EBAG9: variants seen among roughly 807,000 people sequenced by gnomAD.
EBAG9 encodes the protein estrogen receptor binding site associated antigen 9, also known as receptor-binding cancer antigen expressed on SiSo cells.
Under a neutral mutation model 30.9 loss-of-function variants are expected in EBAG9, and 16 were observed. That is an observed-to-expected ratio of 0.52 (90% CI 0.35 to 0.79). The LOEUF (loss-of-function observed/expected upper bound fraction) is 0.79, where lower values mean the gene tolerates loss of function less well. Among genes scored for constraint, EBAG9 ranks in the 30% least tolerant of loss-of-function variants. EBAG9 has a pLI of 0.01. For synonymous variants in EBAG9, 93 were observed against 82.8 expected (o/e 1.12, Z -0.67); for missense variants, 197 against 242.1 (o/e 0.81, Z 1.24).
intron 5 of EBAG9, 39 bp from the exon 6 acceptor site, chr8:109,560,799 G>T (rs780781637): frequency 6.9e-7 from 1 of 1,442,424 alleles, no homozygotes; most frequent in Admixed American, 1.7e-5. Flanking sequence ...AGAAAGGATG[G>T]CTTTTACTCT....
intron 1 of EBAG9, among the ~76,000 whole-genome samples, chr8:109,547,471 C>G (rs1821407355): frequency 6.6e-6 from 1 of 150,948 alleles, no homozygotes; most frequent in African/African-American, 2.4e-5. Context: ...ACTTATTTAC[C>G]ATTGTATATG....
chr8:109,547,764 G>A (rs558119940), intron 1 of EBAG9, among the ~76,000 whole-genome samples: 40 of 152,290 alleles, frequency 2.6e-4, no homozygotes, highest in Admixed American at 7.8e-4. Context: ...ACAGGTGTGA[G>A]CCACCACGCC....
intron 4 of EBAG9, among the ~76,000 whole-genome samples, 197 bp from the exon 5 acceptor site, chr8:109,556,738 A>G (rs1327463688): frequency 2.0e-5 from 3 of 152,116 alleles, no homozygotes; most frequent in African/African-American, 7.2e-5. Context: ...TAAAAGTGAA[A>G]TACAATTTTT....
Position 109,560,944 on chromosome 8 carries a change from T to C in EBAG9, c.521+15T>C. ...GAAGTTCTGAGGTATTTGAGTGGCA[T>C]TTATATTGCAACCTGAGTAGAAGAA... On this transcript the variant is annotated intron_variant, in intron 6 of 6. Transcript: ENST00000337573. 6.2e-7 allele frequency: 1 copy of C among 1,604,272 alleles called. No homozygotes were observed. The highest frequency in any genetic ancestry group is 8.5e-7 in the Non-Finnish European group (1 of 1,172,260).
chr8:109,554,065 G>T, intron 3 of EBAG9, 122 bp downstream of exon 3: 1 of 654,784 alleles, frequency 1.5e-6, no homozygotes, highest in Non-Finnish European at 2.4e-6. Flanking sequence ...TTGTTGTGTT[G>T]TTAAATTTAT....
intron 2 of EBAG9, 55 bp downstream of exon 2, chr8:109,550,962 A>G (rs931344372): frequency 2.7e-5 from 33 of 1,207,700 alleles, no homozygotes; most frequent in Non-Finnish European, 3.8e-5. Context: ...GGTTTTGGAT[A>G]CCTTCAAAAC....
rs1240599870 is a variant in EBAG9, at chr8:109,540,288, T to TA, written c.-188dup. ...TTCCTCAGGGAAATTTGCGTGACCT[T>TA]ACTGCCCTCCGTCTACAGGCCTTGT... On this transcript the variant is annotated 5_prime_UTR_variant, in exon 1 of 7. The change creates a premature stop within an existing upstream ORF in the 5' untranslated region. Coordinates refer to ENST00000337573, the MANE Select transcript of EBAG9 (RefSeq NM_004215.5). 6.6e-6 allele frequency: 1 copy of TA among 152,418 alleles called. No individual in the cohort carries two copies. Among genetic ancestry groups the TA allele is most frequent in the Admixed American group, 6.5e-5 (1 of 15,290 alleles). The allele number at this position is 152,418 out of a possible 1,614,324, so 9.4% of individuals were successfully genotyped here. A position where few individuals can be genotyped will look rare whatever the true frequency, so the allele number is the denominator to read the frequency against.
chr8:109,546,848 ATTAC>A (rs1013491140), intron 1 of EBAG9, among the ~76,000 whole-genome samples: 1 of 152,176 alleles, frequency 6.6e-6, no homozygotes, highest in Non-Finnish European at 1.5e-5. Flanking sequence ...TAGTCATGCT[ATTAC>A]TTGTAACAAT....
At chr8:109,549,756 T>C (rs1015653822) in intron 1 of EBAG9, among the ~76,000 whole-genome samples, 11 of 152,058 alleles carry the variant, frequency 7.2e-5, no homozygotes, top group African/African-American at 2.7e-4. Context: ...TAAGGACACG[T>C]GTTTTAGATT....
chr8:109,541,201 T>G (rs558515715), intron 1 of EBAG9, among the ~76,000 whole-genome samples: 42 of 152,152 alleles, frequency 2.8e-4, no homozygotes, highest in Admixed American at 1.0e-3. Flanking sequence ...TTAAGGAAAT[T>G]TAATGTTAAG....
intron 1 of EBAG9, among the ~76,000 whole-genome samples, chr8:109,541,612 C>T (rs917462273): frequency 2.0e-5 from 3 of 152,276 alleles, no homozygotes; most frequent in South Asian, 2.1e-4. Flanking sequence ...TGACTGAGAC[C>T]TATAAATACC....
intron 6 of EBAG9, chr8:109,563,251 TATTGAGCTCCCCCAGACATAG>T: frequency 1.2e-6 from 1 of 818,040 alleles, no homozygotes; most frequent in South Asian, 1.8e-5. Flanking sequence ...CTGTAGTTAA[TATTGAGCTCCCCCAGACATAG>T]ATAATCCACT....
intron 4 of EBAG9, among the ~76,000 whole-genome samples, chr8:109,556,709 A>G (rs1398907604): frequency 6.6e-6 from 1 of 152,084 alleles, no homozygotes; most frequent in African/African-American, 2.4e-5. Flanking sequence ...AAGAAAGAAA[A>G]TGGGCCTGTA....
intron 4 of EBAG9, among the ~76,000 whole-genome samples, chr8:109,556,717 G>A (rs933810549): frequency 2.0e-5 from 3 of 152,028 alleles, no homozygotes; most frequent in Non-Finnish European, 2.9e-5. Flanking sequence ...AAATGGGCCT[G>A]TATTAATTTT....
chr8:109,563,306 A>T, intron 6 of EBAG9: 1 of 1,424,374 alleles, frequency 7.0e-7, no homozygotes, highest in South Asian at 1.3e-5. Flanking sequence ...CATATAACCT[A>T]ATGTTGCCTA....
intron 2 of EBAG9, among the ~76,000 whole-genome samples, chr8:109,552,807 C>T (rs903817498): frequency 2.6e-5 from 4 of 151,902 alleles, no homozygotes; most frequent in African/African-American, 9.7e-5. Flanking sequence ...TTTAAAATAC[C>T]AGACTTGGCT....
intron 1 of EBAG9, among the ~76,000 whole-genome samples, chr8:109,545,904 T>C (rs1472551926): frequency 6.6e-6 from 1 of 152,248 alleles, no homozygotes; most frequent in Non-Finnish European, 1.5e-5. Context: ...TTAGTTTTCT[T>C]ATCTGAAGTA....
intron 1 of EBAG9, among the ~76,000 whole-genome samples, chr8:109,544,071 G>T (rs986282394): frequency 6.6e-6 from 1 of 151,098 alleles, no homozygotes; most frequent in African/African-American, 2.4e-5. Context: ...ATAGTACAGG[G>T]ATGGTGTATT....
chr8:109,561,017 C>A, intron 6 of EBAG9, 88 bp downstream of exon 6: 1 of 1,086,982 alleles, frequency 9.2e-7, no homozygotes, highest in Non-Finnish European at 1.3e-6. Flanking sequence ...CCTATTTTGC[C>A]AAATATTATA....
Sources: allele counts gnomAD v4.1 joint callset (sites outside exome capture counted in the v4.1 genomes callset), GRCh38; gene constraint gnomAD v4.1.1; transcripts MANE v1.5; gene names NCBI Gene and HGNC (gene_info 2026-07-23, HGNC 2026-07-21).